DLG1: variants seen among roughly 807,000 people sequenced by gnomAD.
DLG1 encodes discs large MAGUK scaffold protein 1, also known as disks large homolog 1.
In DLG1, 42 loss-of-function variants were observed where a neutral mutation model predicts 123.4. That is an observed-to-expected ratio of 0.34 (90% CI 0.27 to 0.44). The LOEUF is 0.44. Ranked by LOEUF, DLG1 falls within the 20% of genes least tolerant of loss-of-function variation. The pLI, the probability that DLG1 is intolerant of heterozygous loss-of-function variation, is 1.00. For synonymous variants in DLG1, 317 were observed against 356.2 expected (o/e 0.89, Z 1.24); for missense variants, 942 against 1,082.6 (o/e 0.87, Z 1.82).
chr3:197,147,096 A>G (rs1184296553), intron 6 of DLG1, among the ~76,000 whole-genome samples: 1 of 152,222 alleles, frequency 6.6e-6, no homozygotes, highest in Non-Finnish European at 1.5e-5. Flanking sequence ...ATGTGATATT[A>G]CCTTACCCCT....
chr3:197,198,228 G>A lies in DLG1; in HGVS notation c.319-3639C>T, dbSNP rs528480298. On this transcript the variant is annotated intron_variant, in intron 4 of 24. Coordinates refer to ENST00000667157, the MANE Select transcript of DLG1 (RefSeq NM_001366207.1). Reference sequence around the variant, plus strand: ...AAAGGGGCCAGGTGCGGTGGCTCACGCCTGTAATCCCAGCCTTTCGGGAGG... The same window carrying A: ...AAAGGGGCCAGGTGCGGTGGCTCACACCTGTAATCCCAGCCTTTCGGGAGG... Among the ~76,000 whole-genome samples the A allele has an allele frequency of 5.9e-5, 9 of 152,252 alleles. No homozygotes were observed. In the East Asian group the frequency reaches 1.7e-3, roughly 29 times the overall value.
chr3:197,200,567 A>C (rs1158061074), intron 4 of DLG1, among the ~76,000 whole-genome samples: 1 of 152,228 alleles, frequency 6.6e-6, no homozygotes, highest in Non-Finnish European at 1.5e-5. Flanking sequence ...CATAGATGTA[A>C]AAACCTAAAG....
intron 23 of DLG1, 24 bp downstream of exon 23, chr3:197,059,865 T>C (rs1421292167): frequency 6.7e-7 from 1 of 1,492,594 alleles, no homozygotes; most frequent in South Asian, 1.1e-5. Context: ...ACACAGAGGC[T>C]ATGCCTTAGG....
chr3:197,282,566 T>C (rs1769905471), intron 4 of DLG1, 113 bp downstream of exon 4: 2 of 698,678 alleles, frequency 2.9e-6, no homozygotes, highest in Non-Finnish European at 4.1e-6. Context: ...TAAATTATAC[T>C]TCCATAACAA....
chr3:197,044,435 G>A lies in DLG1; in HGVS notation c.*188C>T, dbSNP rs1470226032. The A allele has an allele frequency of 9.5e-6, 4 of 420,114 alleles. No individual in the cohort carries two copies. The highest frequency in any genetic ancestry group is 4.2e-5 in the Admixed American group (1 of 23,854). 26.0% of individuals were successfully genotyped at this position (420,114 alleles called of 1,614,324 possible). On this transcript the variant is annotated 3_prime_UTR_variant, in exon 25 of 25. Transcript: ENST00000667157. ...TCTGAAAAATGGCCACTAACCAATA[G>A]TGACATTAAATAATACACACGATGT...
intron 5 of DLG1, among the ~76,000 whole-genome samples, chr3:197,156,792 T>C (rs539653227): frequency 6.6e-6 from 1 of 152,108 alleles, no homozygotes; most frequent in South Asian, 2.1e-4. Flanking sequence ...ACCATCAAAA[T>C]GTTAAGTAGC....
chr3:197,259,028 C>T lies in DLG1; in HGVS notation c.318+23651G>A, dbSNP rs551295404. On this transcript the variant is annotated intron_variant, in intron 4 of 24. Transcript: ENST00000667157. ...CAATGTAAAAAAATTCAAAGTCTAT[C>T]AAGGAAGATGGAGCAGAGAGAGGAG... 1.7e-4 allele frequency among the ~76,000 whole-genome samples: 26 copies of T among 152,064 alleles called. No homozygotes were observed. The South Asian group carries it at 5.4e-3, about 32-fold the overall frequency.
intron 4 of DLG1, among the ~76,000 whole-genome samples, chr3:197,213,728 C>T (rs1732508771): frequency 6.6e-6 from 1 of 152,128 alleles, no homozygotes; most frequent in Non-Finnish European, 1.5e-5. Flanking sequence ...AATAAAGCAA[C>T]ACTACTTAGT....
At position 197,250,980 on chromosome 3, in the gene DLG1, CAA is replaced by C. The variant is rs34378051; in HGVS notation, c.318+31697_318+31698del. On this transcript the variant is annotated intron_variant, in intron 4 of 24. Coordinates refer to ENST00000667157, the MANE Select transcript of DLG1 (RefSeq NM_001366207.1). ...CCTGGGCAACAGAGCAAGACTCCATCAAAAAAAAAAAAAAAAAAAAGGAAATT... is the reference window on the plus strand; with the variant it reads ...CCTGGGCAACAGAGCAAGACTCCATCAAAAAAAAAAAAAAAAAAGGAAATT... 2.9e-3 allele frequency among the ~76,000 whole-genome samples: 253 copies of C among 87,060 alleles called. 2 individuals are homozygous for C. The highest frequency in any genetic ancestry group is 5.7e-3 in the African/African-American group (142 of 24,790). 57.1% of individuals were successfully genotyped at this position (87,060 alleles called of 152,430 possible).
chr3:197,135,823 T>C (rs1437010575), intron 10 of DLG1, among the ~76,000 whole-genome samples: 2 of 152,014 alleles, frequency 1.3e-5, no homozygotes, highest in Non-Finnish European at 1.5e-5. Flanking sequence ...AAACTTTTTT[T>C]TTTTTTGAGA....
At chr3:197,147,685 G>T (rs1334075828) in intron 6 of DLG1, among the ~76,000 whole-genome samples, 1 of 151,928 alleles carries the variant, frequency 6.6e-6, no homozygotes, top group Non-Finnish European at 1.5e-5. Flanking sequence ...GTGGGACTGG[G>T]GTGAGGGATA....
intron 4 of DLG1, among the ~76,000 whole-genome samples, chr3:197,243,194 T>A (rs936425100): frequency 9.9e-5 from 15 of 152,166 alleles, no homozygotes; most frequent in African/African-American, 3.6e-4. Context: ...CTGACTAGAT[T>A]TAGCATTTAG....
At chr3:197,226,293 G>A (rs1299454279) in intron 4 of DLG1, 4 of 151,898 alleles carry the variant, frequency 2.6e-5, no homozygotes, top group Admixed American at 2.0e-4. Context: ...ATCCAGCATC[G>A]GATTCACCAC....
chr3:197,086,629 G>C (rs1033767455), intron 15 of DLG1, among the ~76,000 whole-genome samples: 4 of 152,130 alleles, frequency 2.6e-5, no homozygotes, highest in Admixed American at 6.5e-5. Context: ...GGAATTACTT[G>C]ATGGCTAAAT....
At chr3:197,230,253 TAATA>T (rs1742240746) in intron 4 of DLG1, among the ~76,000 whole-genome samples, 1 of 152,230 alleles carries the variant, frequency 6.6e-6, no homozygotes, top group Non-Finnish European at 1.5e-5. Context: ...TAGATTTATA[TAATA>T]AACAAATGTA....
intron 4 of DLG1, among the ~76,000 whole-genome samples, chr3:197,262,314 G>A (rs1438342124): frequency 6.6e-6 from 1 of 152,180 alleles, no homozygotes; most frequent in Non-Finnish European, 1.5e-5. Flanking sequence ...TTTTGGGTTG[G>A]CAAAGGCAAG....
intron 4 of DLG1, among the ~76,000 whole-genome samples, chr3:197,196,928 G>T (rs1722844149): frequency 6.6e-6 from 1 of 152,154 alleles, no homozygotes; most frequent in South Asian, 2.1e-4. Flanking sequence ...CATTATATAT[G>T]TGTATGTGTG....
At chr3:197,167,653 G>A (rs1195969773) in intron 5 of DLG1, among the ~76,000 whole-genome samples, 5 of 152,106 alleles carry the variant, frequency 3.3e-5, no homozygotes, top group Admixed American at 2.0e-4. Flanking sequence ...AAAGTCTAAC[G>A]TTATTTTTAA....
chr3:197,247,974 C>T (rs941063455), intron 4 of DLG1, among the ~76,000 whole-genome samples: 1 of 152,122 alleles, frequency 6.6e-6, no homozygotes, highest in Non-Finnish European at 1.5e-5. Context: ...TTAGCACTGG[C>T]AGGTTCAGTA....
Sources: allele counts gnomAD v4.1 joint callset (sites outside exome capture counted in the v4.1 genomes callset), GRCh38; gene constraint gnomAD v4.1.1; transcripts MANE v1.5; gene names NCBI Gene and HGNC (gene_info 2026-07-23, HGNC 2026-07-21).